Variants in ATP9B observed in about 807,000 individuals in gnomAD.
The protein encoded by ATP9B is ATPase phospholipid transporting 9B.
ATP9B carries 110 observed loss-of-function variants against 146.1 expected under a neutral mutation model. The observed-to-expected ratio is 0.75, with a 90% CI of 0.65 to 0.88. The LOEUF is 0.88. Among genes scored for constraint, ATP9B ranks in the 40% least tolerant of loss-of-function variants. The pLI, the probability that ATP9B is intolerant of heterozygous loss-of-function variation, is 0.00. For synonymous variants in ATP9B, 604 were observed against 569.7 expected, an observed-to-expected ratio of 1.06 and a Z score of -0.86; for missense variants, 1,499 against 1,496.4, an observed-to-expected ratio of 1.00 and a Z score of -0.03.
At chr18:79,185,063 C>G (rs2095293469) in intron 8 of ATP9B, among the ~76,000 whole-genome samples, 2 of 151,782 alleles carry the variant, frequency 1.3e-5, no homozygotes, top group African/African-American at 4.8e-5. Flanking sequence ...TACAAGCGAT[C>G]AGCAGGTGAC....
At chr18:79,096,816 G>C (rs746977125) in intron 2 of ATP9B, among the ~76,000 whole-genome samples, 167 bp downstream of exon 2, 19 of 152,166 alleles carry the variant, frequency 1.2e-4, no homozygotes, top group Non-Finnish European at 2.6e-4. Flanking sequence ...ATGCTAATAT[G>C]AAAGGAAAGG....
At chr18:79,327,995 T>C (rs1239242230) in intron 15 of ATP9B, among the ~76,000 whole-genome samples, 1 of 146,010 alleles carries the variant, frequency 6.8e-6, no homozygotes, top group African/African-American at 2.6e-5. Context: ...GTTAGCGTGC[T>C]CTCCGTGGTT....
At chr18:79,140,649 C>T (rs980115225) in intron 5 of ATP9B, among the ~76,000 whole-genome samples, 3 of 152,076 alleles carry the variant, frequency 2.0e-5, no homozygotes, top group East Asian at 1.9e-4. Flanking sequence ...GGCATGGTGG[C>T]GGGTGCTTGT....
At position 79,226,261 on chromosome 18, in the gene ATP9B, G is replaced by A. The variant is rs893049325; in HGVS notation, c.1107+12223G>A. ...CAAAAGATTCCCATTGCTCTGTGGCGAGCCCCAGCATCTTCCTTGTGTTCC... is the reference window on the plus strand; with the variant it reads ...CAAAAGATTCCCATTGCTCTGTGGCAAGCCCCAGCATCTTCCTTGTGTTCC... On this transcript the variant is annotated intron_variant, in intron 11 of 29. Transcript: ENST00000426216. Among the ~76,000 whole-genome samples, 10 of 152,290 alleles carry A rather than the reference G, an allele frequency of 6.6e-5. 1 individual carries two copies. The highest frequency in any genetic ancestry group is 6.8e-3 in the Middle Eastern group (2 of 294).
intron 7 of ATP9B, among the ~76,000 whole-genome samples, chr18:79,167,786 C>G (rs1157256337): frequency 1.3e-5 from 2 of 152,160 alleles, no homozygotes; most frequent in Non-Finnish European, 2.9e-5. Context: ...CAGCCCGGCC[C>G]CGAGGCTTCA....
intron 8 of ATP9B, among the ~76,000 whole-genome samples, chr18:79,183,697 T>C (rs2095275039): frequency 6.6e-6 from 1 of 151,992 alleles, no homozygotes; most frequent in Admixed American, 6.5e-5. Context: ...CATGATTATA[T>C]TTTAAATAAT....
intron 13 of ATP9B, among the ~76,000 whole-genome samples, chr18:79,293,850 A>G (rs2096528466): frequency 6.6e-6 from 1 of 152,208 alleles, no homozygotes; most frequent in Non-Finnish European, 1.5e-5. Context: ...AATTATTTTC[A>G]ACTAAATGCA....
chr18:79,331,179 A>C (rs2096788151), intron 17 of ATP9B, among the ~76,000 whole-genome samples: 7 of 152,194 alleles, frequency 4.6e-5, no homozygotes, highest in Admixed American at 4.6e-4. Flanking sequence ...GTTGGAATTC[A>C]GAGTCTCTCC....
At chr18:79,276,677 T>G (rs571611949) in intron 12 of ATP9B, among the ~76,000 whole-genome samples, 1 of 152,340 alleles carries the variant, frequency 6.6e-6, no homozygotes, top group South Asian at 2.1e-4. Context: ...ACAGACTGTC[T>G]TGAAGGACAG....
At chr18:79,132,679 T>A (rs1272128004) in intron 5 of ATP9B, among the ~76,000 whole-genome samples, 1 of 152,216 alleles carries the variant, frequency 6.6e-6, no homozygotes, top group African/African-American at 2.4e-5. Flanking sequence ...TCTGTTGACC[T>A]CCTCCTCAGT....
chr18:79,316,883 G>A (rs1303404367), intron 15 of ATP9B, among the ~76,000 whole-genome samples: 1 of 152,172 alleles, frequency 6.6e-6, no homozygotes, highest in Non-Finnish European at 1.5e-5. Context: ...GCAAAACATA[G>A]TAAATACAAA....
At chr18:79,152,538 A>G (rs528850674) in intron 6 of ATP9B, among the ~76,000 whole-genome samples, 29 of 152,188 alleles carry the variant, frequency 1.9e-4, no homozygotes, top group African/African-American at 6.3e-4. Context: ...GTTTTTTAAG[A>G]CAATTTTTGT....
intron 26 of ATP9B, 31 bp downstream of exon 26, chr18:79,359,493 C>G (rs567726781): frequency 8.7e-6 from 13 of 1,498,270 alleles, no homozygotes; most frequent in Admixed American, 1.7e-5. Flanking sequence ...GTCTGCCTCA[C>G]GACTAGCACC....
intron 10 of ATP9B, among the ~76,000 whole-genome samples, chr18:79,208,147 A>G (rs2148360744): frequency 6.6e-6 from 1 of 152,320 alleles, no homozygotes; most frequent in East Asian, 1.9e-4. Context: ...CGGGGGGCTG[A>G]GGCAGGAGAA....
intron 11 of ATP9B, among the ~76,000 whole-genome samples, chr18:79,221,663 G>T (rs1199550684): frequency 6.6e-6 from 1 of 152,214 alleles, no homozygotes; most frequent in Admixed American, 6.5e-5. Context: ...ATAGCTTGCA[G>T]TGAGCTGAGA....
intron 2 of ATP9B, among the ~76,000 whole-genome samples, chr18:79,097,380 T>C (rs2074879924): frequency 6.6e-6 from 1 of 151,912 alleles, no homozygotes; most frequent in Non-Finnish European, 1.5e-5. Context: ...ATCATTATTT[T>C]TCTGAGTCAT....
At chr18:79,198,177 TAAACTC>T (rs1421821543) in intron 9 of ATP9B, among the ~76,000 whole-genome samples, 2 of 152,278 alleles carry the variant, frequency 1.3e-5, no homozygotes, top group East Asian at 1.9e-4. Flanking sequence ...ATTTGGAAAT[TAAACTC>T]AAAAACCTAA....
chr18:79,091,134 G>C (rs560340024), intron 1 of ATP9B, among the ~76,000 whole-genome samples: 2 of 152,256 alleles, frequency 1.3e-5, no homozygotes, highest in East Asian at 3.9e-4. Context: ...CTGGTCCATT[G>C]GTCTATGTGT....
At chr18:79,074,573 A>C (rs768004685) in intron 1 of ATP9B, among the ~76,000 whole-genome samples, 71 of 152,348 alleles carry the variant, frequency 4.7e-4, no homozygotes, top group Non-Finnish European at 8.2e-4. Flanking sequence ...ACAGAGCCTT[A>C]CTGGGCCAGC....
Sources: gnomAD v4.1 joint callset for allele counts (sites outside exome capture counted in the v4.1 genomes callset) on GRCh38, gnomAD v4.1.1 for gene constraint, MANE v1.5 for transcripts, NCBI Gene and HGNC (gene_info 2026-07-23, HGNC 2026-07-21) for gene names.